The following POMT2 variants were observed in gnomAD, a reference collection of about 807,000 sequenced individuals.
POMT2 encodes protein O-mannosyltransferase 2.
A neutral mutation model predicts 100.0 loss-of-function variants in POMT2; 75 were observed. That is an observed-to-expected ratio of 0.75 (90% CI 0.62 to 0.91). The LOEUF (loss-of-function observed/expected upper bound fraction) is 0.91, where lower values mean the gene tolerates loss of function less well. Ranked by LOEUF, POMT2 falls within the 40% of genes least tolerant of loss-of-function variation. The pLI is 0.00. For synonymous variants in POMT2, 378 were observed against 374.1 expected, an observed-to-expected ratio of 1.01 and a Z score of -0.12; for missense variants, 940 against 955.1, an observed-to-expected ratio of 0.98 and a Z score of 0.21.
intron 11 of POMT2, chr14:77,287,112 C>A: frequency 2.4e-6 from 1 of 425,274 alleles, no homozygotes; most frequent in Non-Finnish European, 4.3e-6. Context: ...GCGACTTTCA[C>A]ACATTTAGTA....
chr14:77,280,717 T>C (rs77964101), intron 15 of POMT2, among the ~76,000 whole-genome samples: 45 of 65,948 alleles, frequency 6.8e-4, no homozygotes, highest in Non-Finnish European at 1.2e-3. Flanking sequence ...AAAGAGGAAA[T>C]TGTTCCAATG....
chr14:77,277,648 G>C (rs980976920), intron 20 of POMT2, among the ~76,000 whole-genome samples, 167 bp from the exon 21 acceptor site: 1 of 152,222 alleles, frequency 6.6e-6, no homozygotes, highest in Non-Finnish European at 1.5e-5. Flanking sequence ...ACTGTAGCTG[G>C]AGAGCTTAGT....
intron 1 of POMT2, among the ~76,000 whole-genome samples, chr14:77,315,680 C>T (rs1348388938): frequency 6.6e-6 from 1 of 152,208 alleles, no homozygotes; most frequent in Non-Finnish European, 1.5e-5. Context: ...AAAAAATCTA[C>T]ATCCCTGGAA....
At chr14:77,315,983 C>A (rs748813576) in intron 1 of POMT2, among the ~76,000 whole-genome samples, 1 of 152,154 alleles carries the variant, frequency 6.6e-6, no homozygotes, top group Non-Finnish European at 1.5e-5. Context: ...TGCACTCCAG[C>A]CTGGGCGACA....
chr14:77,301,260 A>G lies in POMT2; in HGVS notation c.657-11T>C. Reference sequence around the variant, plus strand: ...GGGGCAGAGAAGGGCCTGAAAATCAACAAGACGGAGTTCAATTTGGCAGCT... The same window carrying G: ...GGGGCAGAGAAGGGCCTGAAAATCAGCAAGACGGAGTTCAATTTGGCAGCT... On this transcript the variant is annotated splice_polypyrimidine_tract_variant and intron_variant, in intron 5 of 20. Coordinates refer to ENST00000261534, the MANE Select transcript of POMT2 (RefSeq NM_013382.7). The G allele has an allele frequency of 6.2e-7, 1 of 1,614,104 alleles. No individual in the cohort carries two copies. The highest frequency in any genetic ancestry group is 8.5e-7 in the Non-Finnish European group (1 of 1,179,996).
At chr14:77,278,330 G>A in intron 20 of POMT2, 64 bp downstream of exon 20, 1 of 1,271,964 alleles carries the variant, frequency 7.9e-7, no homozygotes, top group Non-Finnish European at 1.1e-6. Flanking sequence ...ATTCTCGAAT[G>A]CATCAGGGCT....
Position 77,301,301 on chromosome 14 carries a change from C to T in POMT2, c.657-52G>A, listed in dbSNP as rs376641407. The T allele has an allele frequency of 5.7e-5, 91 of 1,605,486 alleles. No individual in the cohort carries two copies. The East Asian group carries it at 7.8e-4, about 14-fold the overall frequency. On this transcript the variant is annotated intron_variant, in intron 5 of 20. Coordinates refer to ENST00000261534, the MANE Select transcript of POMT2 (RefSeq NM_013382.7). The stretch of plus-strand genomic sequence containing the variant: ...TTTGGCAGCTGGAACCAAAGCCAAA[C>T]GCAAGCGCAGCAGGGGACAGGGCAG...
chr14:77,308,671 G>A, intron 2 of POMT2: 1 of 393,612 alleles, frequency 2.5e-6, no homozygotes, highest in Middle Eastern at 3.6e-4. Context: ...AGTTTTTAAA[G>A]TATGATCGTA....
intron 6 of POMT2, chr14:77,300,148 C>T (rs1427497002): frequency 1.2e-5 from 2 of 162,738 alleles, no homozygotes; most frequent in African/African-American, 4.8e-5. Context: ...CACACAGTGG[C>T]TGGATGATCT....
At chr14:77,307,515 A>G (rs1891266083) in intron 2 of POMT2, among the ~76,000 whole-genome samples, 1 of 152,242 alleles carries the variant, frequency 6.6e-6, no homozygotes, top group Admixed American at 6.5e-5. Context: ...TAGATGAACT[A>G]AAGCTGCCAA....
intron 1 of POMT2, among the ~76,000 whole-genome samples, chr14:77,314,924 C>T (rs1245588808): frequency 6.6e-6 from 1 of 152,222 alleles, no homozygotes; most frequent in Non-Finnish European, 1.5e-5. Flanking sequence ...GGCTCGGAGC[C>T]ACTCTCTCCC....
At position 77,302,879 on chromosome 14, in the gene POMT2, C is replaced by T. The variant is rs1891094942; in HGVS notation, c.612G>A (p.Met204Ile). ...LLDPILMFFI[M>I]AAMLSMVKYN... Reference sequence around the variant, plus strand: ...ACTTGACCATGCTCAGCATGGCAGCCATGATGAAGAACATCAGGATGGGGT... The same window carrying T: ...ACTTGACCATGCTCAGCATGGCAGCTATGATGAAGAACATCAGGATGGGGT... Residue 204 changes from methionine to isoleucine, a missense_variant, in exon 5 of 21, where the codon ATG (methionine) becomes ATA (isoleucine). By Grantham distance (10) the Met-to-Ile change is conservative (BLOSUM62 1). Coordinates refer to ENST00000261534, the MANE Select transcript of POMT2 (RefSeq NM_013382.7). The T allele has an allele frequency of 6.2e-7, 1 of 1,613,922 alleles. No individual in the cohort carries two copies. The highest frequency in any genetic ancestry group is 8.5e-7 in the Non-Finnish European group (1 of 1,179,860).
chr14:77,287,418 A>C (rs1401755979), intron 11 of POMT2: 1 of 151,952 alleles, frequency 6.6e-6, no homozygotes, highest in Non-Finnish European at 1.5e-5. Flanking sequence ...ATTTTTATTA[A>C]TGACAAATGA....
chr14:77,276,926 G>T lies in POMT2; in HGVS notation c.*450C>A, dbSNP rs1380171380. Reference sequence around the variant, plus strand: ...CCCTCTCAGAGGTCTGAGAATTTTTGATGGATCTTACAAACCAAAACCAAA... The same window carrying T: ...CCCTCTCAGAGGTCTGAGAATTTTTTATGGATCTTACAAACCAAAACCAAA... On this transcript the variant is annotated 3_prime_UTR_variant, in exon 21 of 21. Coordinates refer to ENST00000261534, the MANE Select transcript of POMT2 (RefSeq NM_013382.7). 1.1e-5 allele frequency: 2 copies of T among 181,142 alleles called. No homozygotes were observed. Among genetic ancestry groups the T allele is most frequent in the African/African-American group, 4.7e-5 (2 of 42,688 alleles). The allele number at this position is 181,142 out of a possible 1,614,324, so 11.2% of individuals were successfully genotyped here.
intron 3 of POMT2, among the ~76,000 whole-genome samples, chr14:77,305,811 T>G (rs1891205778): frequency 6.6e-6 from 1 of 152,174 alleles, no homozygotes; most frequent in Non-Finnish European, 1.5e-5. Context: ...CAGCAGACAT[T>G]TGGCCTCCCT....
At chr14:77,320,290 G>C (rs1891814644) in intron 1 of POMT2, 144 bp downstream of exon 1, 4 of 1,426,782 alleles carry the variant, frequency 2.8e-6, no homozygotes, top group African/African-American at 1.4e-5. Flanking sequence ...CCTCGCCAGA[G>C]GCCAACCCAC....
Position 77,286,748 on chromosome 14 carries a change from C to T in POMT2, c.1328G>A (p.Gly443Asp). The change falls in exon 12 of 21, where the codon GGC (glycine) becomes GAC (aspartate). Residue 443 changes from glycine to aspartate, a missense_variant. Transcript: ENST00000261534. ...ACATCCCCGTTGCTTACTTACTATG[C>T]CATAGCCGGTGACCTGATAGTGCTT... The part of the protein sequence containing the change: ...TRKHYQVTGY[G>D]INGTGDSNDF... The T allele has an allele frequency of 6.2e-7, 1 of 1,614,144 alleles. No individual in the cohort carries two copies. Among genetic ancestry groups the T allele is most frequent in the East Asian group, 2.2e-5 (1 of 44,886 alleles).
chr14:77,295,844 C>A (rs1890809352), intron 9 of POMT2, among the ~76,000 whole-genome samples: 1 of 151,870 alleles, frequency 6.6e-6, no homozygotes, highest in Non-Finnish European at 1.5e-5. Context: ...AATCAAGTAC[C>A]AAAGAGACGG....
intron 2 of POMT2, among the ~76,000 whole-genome samples, chr14:77,309,425 G>C (rs1411622046): frequency 6.6e-6 from 1 of 152,160 alleles, no homozygotes; most frequent in African/African-American, 2.4e-5. Context: ...AAAACTTCCT[G>C]CTTGCTACTT....
Sources: allele counts gnomAD v4.1 joint callset (sites outside exome capture counted in the v4.1 genomes callset), GRCh38; gene constraint gnomAD v4.1.1; transcripts MANE v1.5; gene names NCBI Gene and HGNC (gene_info 2026-07-23, HGNC 2026-07-21).